Variants in TAB2 observed in about 807,000 individuals in gnomAD.
TAB2 encodes TGF-beta activated kinase 1 (MAP3K7) binding protein 2, also known as TGF-beta-activated kinase 1 and MAP3K7-binding protein 2.
Under a neutral mutation model 65.0 loss-of-function variants are expected in TAB2, and 3 were observed. That is an observed-to-expected ratio of 0.05 (90% CI 0.02 to 0.12). The LOEUF (loss-of-function observed/expected upper bound fraction) is 0.12. Among genes scored for constraint, TAB2 ranks in the 10% least tolerant of loss-of-function variants. The pLI is 1.00. For synonymous variants in TAB2, 298 were observed against 285.1 expected, an observed-to-expected ratio of 1.05 and a Z score of -0.46; for missense variants, 623 against 840.3, an observed-to-expected ratio of 0.74 and a Z score of 3.20.
At chr6:149,349,129 A>G (rs1243818037) in intron 1 of TAB2, among the ~76,000 whole-genome samples, 3 of 151,848 alleles carry the variant, frequency 2.0e-5, no homozygotes, top group Admixed American at 6.6e-5. Context: ...AGTTATTGTA[A>G]AGTAGTCAAG....
chr6:149,286,122 T>C (rs1778672850), intron 1 of TAB2, among the ~76,000 whole-genome samples: 1 of 97,840 alleles, frequency 1.0e-5, no homozygotes, highest in African/African-American at 3.8e-5. Context: ...TTTTATCAAG[T>C]AAGTAGTTCC....
At chr6:149,331,241 C>T (rs1779773651) in intron 1 of TAB2, among the ~76,000 whole-genome samples, 1 of 152,016 alleles carries the variant, frequency 6.6e-6, no homozygotes, top group African/African-American at 2.4e-5. Flanking sequence ...CTTTTGTCAG[C>T]ATTTTTTAGT....
chr6:149,394,135 T>G (rs766276754), intron 3 of TAB2, among the ~76,000 whole-genome samples: 11 of 152,192 alleles, frequency 7.2e-5, no homozygotes, highest in Non-Finnish European at 1.3e-4. Flanking sequence ...TTCACTTGTT[T>G]CTTGGTGTGT....
chr6:149,405,483 C>T (rs1455730596), intron 6 of TAB2, among the ~76,000 whole-genome samples: 1 of 152,008 alleles, frequency 6.6e-6, no homozygotes, highest in Non-Finnish European at 1.5e-5. Context: ...TCACAATAGC[C>T]AAAATATGAA....
At chr6:149,262,857 G>T (rs1233325033) in intron 1 of TAB2, among the ~76,000 whole-genome samples, 1 of 151,670 alleles carries the variant, frequency 6.6e-6, no homozygotes, top group East Asian at 1.9e-4. Context: ...AGACTGGAGT[G>T]CTGTGGCACG....
At chr6:149,253,885 G>A (rs9390664) in intron 1 of TAB2, among the ~76,000 whole-genome samples, 23,156 of 149,192 alleles carry the variant, frequency 0.16, 2,029 homozygotes, top group East Asian at 0.27. Context: ...TTGCACCACT[G>A]CCTTCCAGCC....
chr6:149,340,251 A>T (rs1191521296), intron 1 of TAB2, among the ~76,000 whole-genome samples: 1 of 152,234 alleles, frequency 6.6e-6, no homozygotes, highest in African/African-American at 2.4e-5. Flanking sequence ...CTTTACACCT[A>T]CATCCTTTTG....
At chr6:149,385,411 G>A (rs369910154) in intron 3 of TAB2, among the ~76,000 whole-genome samples, 6 of 152,070 alleles carry the variant, frequency 3.9e-5, no homozygotes, top group Non-Finnish European at 8.8e-5. Context: ...CCTGTAGTTC[G>A]AGCTACTCGG....
intron 1 of TAB2, among the ~76,000 whole-genome samples, chr6:149,240,637 T>G (rs371399066): frequency 6.6e-5 from 10 of 152,340 alleles, no homozygotes; most frequent in Admixed American, 3.3e-4. Flanking sequence ...ATTACTTTAT[T>G]TTTCTACTCT....
At chr6:149,243,948 C>G (rs1342561012) in intron 1 of TAB2, 2 of 152,234 alleles carry the variant, frequency 1.3e-5, no homozygotes, top group African/African-American at 2.4e-5. Flanking sequence ...CCTAGATTAT[C>G]CCATCCAGTG....
chr6:149,280,931 CAAAAA>C (rs9322172), intron 1 of TAB2, among the ~76,000 whole-genome samples: 2 of 115,060 alleles, frequency 1.7e-5, no homozygotes, highest in Non-Finnish European at 1.8e-5. Flanking sequence ...GACCTCGTCT[CAAAAA>C]AAAAAAAAAA....
chr6:149,249,260 T>G (rs1777807936), intron 1 of TAB2, among the ~76,000 whole-genome samples: 1 of 152,122 alleles, frequency 6.6e-6, no homozygotes, highest in Non-Finnish European at 1.5e-5. Context: ...GGCATGGGTG[T>G]GGCCCCAGGC....
intron 1 of TAB2, among the ~76,000 whole-genome samples, chr6:149,270,223 G>A (rs528982868): frequency 1.1e-3 from 162 of 152,198 alleles, no homozygotes; most frequent in Non-Finnish European, 2.0e-3. Flanking sequence ...GTGCTTATTT[G>A]CCATCCATGT....
rs1781537370 is a variant in TAB2, at chr6:149,379,484, G to A, written c.1569G>A (p.Leu523=). ...ATAGAATAAGTGAAACACGGAAACT[G>A]AGTATGGGATCTGATGATGCTGCCT... The part of the protein sequence containing the change: ...HVDRISETRK[L]SMGSDDAAYT... The change falls in exon 3 of 7, where the codon CTG becomes CTA. Residue 523 remains leucine, a synonymous_variant. Transcript: ENST00000637181. 1.2e-6 allele frequency: 2 copies of A among 1,614,018 alleles called. No individual in the cohort carries two copies. The highest frequency in any genetic ancestry group is 1.7e-6 in the Non-Finnish European group (2 of 1,180,038).
chr6:149,382,690 C>T (rs74444923), intron 3 of TAB2, among the ~76,000 whole-genome samples: 3 of 152,066 alleles, frequency 2.0e-5, no homozygotes, highest in Non-Finnish European at 4.4e-5. Flanking sequence ...TCATAATAAA[C>T]CCTCTGGAAA....
At chr6:149,269,395 A>C (rs1321040664) in intron 1 of TAB2, among the ~76,000 whole-genome samples, 1 of 152,214 alleles carries the variant, frequency 6.6e-6, no homozygotes, top group Non-Finnish European at 1.5e-5. Context: ...TTTATTAAAA[A>C]TTCACTATAT....
chr6:149,361,943 G>C (rs1402024667), intron 1 of TAB2, among the ~76,000 whole-genome samples: 1 of 152,142 alleles, frequency 6.6e-6, no homozygotes, highest in Non-Finnish European at 1.5e-5. Flanking sequence ...CTTTGCTCTG[G>C]TTCCTATAAG....
rs1782276476 is a variant in TAB2, at chr6:149,399,090, T to C, written c.1859-14T>C. 6.2e-7 allele frequency: 1 copy of C among 1,606,994 alleles called. No individual in the cohort carries two copies. Among genetic ancestry groups the C allele is most frequent in the Admixed American group, 1.7e-5 (1 of 59,950 alleles). On this transcript the variant is annotated splice_polypyrimidine_tract_variant and intron_variant, in intron 5 of 6. Transcript: ENST00000637181. ...GCTATAAGCATTGATATATTTACTT[T>C]TTATATATTTCAGGACCACATTTTA...
intron 1 of TAB2, among the ~76,000 whole-genome samples, chr6:149,325,492 A>G (rs1194750300): frequency 2.6e-5 from 4 of 152,124 alleles, no homozygotes; most frequent in African/African-American, 9.7e-5. Flanking sequence ...AAACATCATC[A>G]TTATTTTTTT....
Sources: allele counts gnomAD v4.1 joint callset (sites outside exome capture counted in the v4.1 genomes callset), GRCh38; gene constraint gnomAD v4.1.1; transcripts MANE v1.5; gene names NCBI Gene and HGNC (gene_info 2026-07-23, HGNC 2026-07-21).